Variants in RNF13 observed in about 807,000 individuals in gnomAD.
RNF13 encodes the protein E3 ubiquitin-protein ligase RNF13.
RNF13 carries 19 observed loss-of-function variants against 37.7 expected under a neutral mutation model. That is an observed-to-expected ratio of 0.50 (90% CI 0.35 to 0.74). The LOEUF is 0.74. Among genes scored for constraint, RNF13 ranks in the 30% least tolerant of loss-of-function variants. The pLI is 0.01. For synonymous variants in RNF13, 144 were observed against 157.8 expected (o/e 0.91, Z 0.65); for missense variants, 375 against 453.0 (o/e 0.83, Z 1.56).
At chr3:149,937,688 T>C (rs1327456680) in intron 8 of RNF13, among the ~76,000 whole-genome samples, 1 of 152,182 alleles carries the variant, frequency 6.6e-6, no homozygotes, top group African/African-American at 2.4e-5. Flanking sequence ...TGCTTGTTAC[T>C]CAGAAGTGTG....
At chr3:149,943,262 A>C (rs1720444887) in intron 8 of RNF13, among the ~76,000 whole-genome samples, 1 of 147,900 alleles carries the variant, frequency 6.8e-6, no homozygotes. Flanking sequence ...GAGCAGTTTT[A>C]GGTTCACAGC....
intron 8 of RNF13, chr3:149,959,842 G>A (rs1722209064): frequency 2.5e-6 from 1 of 397,656 alleles, no homozygotes; most frequent in Non-Finnish European, 4.5e-6. Flanking sequence ...GATAATCAAG[G>A]TAAACAAATT....
rs184533716 is a variant in RNF13, at chr3:149,814,488, T to C, written c.-17+1135T>C. 4.6e-4 allele frequency among the ~76,000 whole-genome samples: 70 copies of C among 152,314 alleles called. 1 individual carries two copies. Among genetic ancestry groups the C allele is most frequent in the Non-Finnish European group, 9.0e-4 (61 of 68,034 alleles). On this transcript the variant is annotated intron_variant, in intron 1 of 9. Coordinates refer to ENST00000392894, the MANE Select transcript of RNF13 (RefSeq NM_183381.3). Reference sequence around the variant, plus strand: ...GTGCAGTGCTGTAGTGCAGGAAGTGTAGTGCAGTGCTGTAGTGCAGGGCCC... The same window carrying C: ...GTGCAGTGCTGTAGTGCAGGAAGTGCAGTGCAGTGCTGTAGTGCAGGGCCC...
At chr3:149,835,982 G>A (rs1464599253) in intron 1 of RNF13, among the ~76,000 whole-genome samples, 1 of 152,058 alleles carries the variant, frequency 6.6e-6, no homozygotes, top group Non-Finnish European at 1.5e-5. Flanking sequence ...TTTCCATAGT[G>A]GTTGTACTAG....
intron 2 of RNF13, 132 bp downstream of exon 2, chr3:149,846,272 C>A: frequency 1.7e-6 from 1 of 579,834 alleles, no homozygotes; most frequent in Non-Finnish European, 3.0e-6. Flanking sequence ...CACATATACA[C>A]AGTTACTTGA....
chr3:149,910,437 T>C (rs1473415144), intron 6 of RNF13, among the ~76,000 whole-genome samples: 1 of 152,220 alleles, frequency 6.6e-6, no homozygotes, highest in Non-Finnish European at 1.5e-5. Flanking sequence ...GTTTAAATTA[T>C]TGGGGTAAAT....
At chr3:149,910,812 A>T (rs569528794) in intron 6 of RNF13, among the ~76,000 whole-genome samples, 25 of 152,174 alleles carry the variant, frequency 1.6e-4, no homozygotes, top group Non-Finnish European at 3.4e-4. Flanking sequence ...ACATTATACA[A>T]ACTCTTCCCT....
At chr3:149,885,291 T>C (rs999044320) in intron 4 of RNF13, among the ~76,000 whole-genome samples, 2 of 152,184 alleles carry the variant, frequency 1.3e-5, no homozygotes, top group Admixed American at 6.5e-5. Flanking sequence ...TTTAGTTTTT[T>C]TGAGGAATCT....
At chr3:149,860,218 A>T (rs1332198161) in intron 3 of RNF13, among the ~76,000 whole-genome samples, 1 of 142,938 alleles carries the variant, frequency 7.0e-6, no homozygotes, top group Non-Finnish European at 1.5e-5. Flanking sequence ...AGATCATGCC[A>T]CTGCACCCCA....
intron 8 of RNF13, among the ~76,000 whole-genome samples, chr3:149,938,176 A>T (rs1373000691): frequency 1.3e-5 from 2 of 151,074 alleles, no homozygotes; most frequent in Non-Finnish European, 3.0e-5. Flanking sequence ...ATTTTTTAAA[A>T]TTTTTTATTT....
chr3:149,871,792 CTTA>C (rs1456660508), intron 3 of RNF13, among the ~76,000 whole-genome samples: 1 of 151,934 alleles, frequency 6.6e-6, no homozygotes, highest in South Asian at 2.1e-4. Flanking sequence ...CCTGAGTTTG[CTTA>C]TTATTATTAT....
intron 8 of RNF13, among the ~76,000 whole-genome samples, chr3:149,955,332 AACT>A: frequency 6.6e-6 from 1 of 151,972 alleles, no homozygotes; most frequent in South Asian, 2.1e-4. Context: ...CTTTTTTTAT[AACT>A]ACATTTTAAC....
intron 1 of RNF13, among the ~76,000 whole-genome samples, chr3:149,818,892 C>T (rs1011586577): frequency 2.0e-5 from 3 of 152,080 alleles, no homozygotes; most frequent in African/African-American, 7.2e-5. Flanking sequence ...GCCTGGGTGA[C>T]AGAGCGTGAC....
intron 2 of RNF13, among the ~76,000 whole-genome samples, chr3:149,847,572 C>T (rs1367716133): frequency 6.6e-6 from 1 of 151,914 alleles, no homozygotes; most frequent in African/African-American, 2.4e-5. Flanking sequence ...CTGTTGTCCT[C>T]TGTAGTAGGG....
chr3:149,941,029 C>A (rs994587717), intron 8 of RNF13, among the ~76,000 whole-genome samples: 1 of 152,080 alleles, frequency 6.6e-6, no homozygotes, highest in South Asian at 2.1e-4. Context: ...ACAGAATATT[C>A]TTTTATTTTT....
At chr3:149,885,815 G>A (rs1034221418) in intron 4 of RNF13, among the ~76,000 whole-genome samples, 2 of 152,176 alleles carry the variant, frequency 1.3e-5, no homozygotes, top group South Asian at 2.1e-4. Flanking sequence ...CCAGACAAAT[G>A]TCCTGGAGAT....
At chr3:149,814,905 T>C in intron 1 of RNF13, among the ~76,000 whole-genome samples, 1 of 152,090 alleles carries the variant, frequency 6.6e-6, no homozygotes, top group East Asian at 1.9e-4. Flanking sequence ...TATTTTTCTC[T>C]ATGTAGGGAA....
chr3:149,907,328 T>C (rs372796456), intron 6 of RNF13, among the ~76,000 whole-genome samples: 9 of 152,386 alleles, frequency 5.9e-5, no homozygotes, highest in Admixed American at 3.9e-4. Flanking sequence ...TTACTCCCTT[T>C]AGTAAGAAAG....
At chr3:149,886,393 A>G (rs1714033100) in intron 4 of RNF13, among the ~76,000 whole-genome samples, 1 of 151,842 alleles carries the variant, frequency 6.6e-6, no homozygotes, top group African/African-American at 2.4e-5. Context: ...TTTATTTTGG[A>G]TTGTTCATTG....
Sources: allele counts gnomAD v4.1 joint callset (sites outside exome capture counted in the v4.1 genomes callset), GRCh38; gene constraint gnomAD v4.1.1; transcripts MANE v1.5; gene names NCBI Gene and HGNC (gene_info 2026-07-23, HGNC 2026-07-21).